The following USP3 variants were observed in gnomAD, a reference collection of about 807,000 sequenced individuals.
USP3 encodes ubiquitin carboxyl-terminal hydrolase 3.
In USP3, 20 loss-of-function variants were observed where a neutral mutation model predicts 72.3. That is an observed-to-expected ratio of 0.28 (90% CI 0.19 to 0.40). The LOEUF is 0.40. USP3 is among the 10% of genes least tolerant of loss of function. The probability of loss-of-function intolerance (pLI) is 1.00; values close to 1 mark genes in which losing one functional copy is unlikely to be tolerated. For missense variants in USP3, 479 were observed against 633.9 expected (o/e 0.76, Z 2.62); for synonymous variants, 222 against 225.3 (o/e 0.99, Z 0.13).
Position 63,588,731 on chromosome 15 carries a change from T to C in USP3, c.1245T>C (p.His415=), listed in dbSNP as rs191796709. Residue 415 remains histidine (H), a synonymous_variant, in exon 13 of 15, where the codon CAT becomes CAC. Transcript: ENST00000380324. The surrounding 1 kb of genome is among the most constrained non-coding windows in gnomAD (Gnocchi z 4.6). Reference sequence around the variant, plus strand: ...TATGCTTACATTTGAAAAGATTTCATTGGACAGCATATTTAAGAAATAAAG... The same window carrying C: ...TATGCTTACATTTGAAAAGATTTCACTGGACAGCATATTTAAGAAATAAAG... ...KVLCLHLKRF[H]WTAYLRNKVD... 7.6e-5 allele frequency: 122 copies of C among 1,614,090 alleles called. No homozygotes were observed. In the Middle Eastern group the frequency reaches 8.3e-4, roughly 11 times the overall value.
intron 1 of USP3, among the ~76,000 whole-genome samples, chr15:63,505,056 G>T (rs2065691128): frequency 6.6e-6 from 1 of 150,908 alleles, no homozygotes; most frequent in Non-Finnish European, 1.5e-5. Context: ...GGAGAGGGCC[G>T]CGAGGGGCGG....
At chr15:63,558,403 A>G (rs568533233) in intron 6 of USP3, among the ~76,000 whole-genome samples, 1 of 152,282 alleles carries the variant, frequency 6.6e-6, no homozygotes, top group East Asian at 1.9e-4. Context: ...TGTCTAAAGT[A>G]CTTAGAGCAG....
chr15:63,526,582 G>A (rs553306893), intron 1 of USP3, among the ~76,000 whole-genome samples: 2 of 152,032 alleles, frequency 1.3e-5, no homozygotes, highest in African/African-American at 2.4e-5. Context: ...TTGTGTAGGC[G>A]GGTGGTTCTT....
At chr15:63,554,432 G>A (rs889842684) in intron 4 of USP3, among the ~76,000 whole-genome samples, 1 of 152,180 alleles carries the variant, frequency 6.6e-6, no homozygotes, top group Non-Finnish European at 1.5e-5. Context: ...ACCCGAAATT[G>A]AAGCAATAAA....
chr15:63,552,964 C>A (rs1218614408), intron 3 of USP3, among the ~76,000 whole-genome samples: 2 of 152,068 alleles, frequency 1.3e-5, no homozygotes, highest in African/African-American at 4.8e-5. Flanking sequence ...TTGGCCTTAT[C>A]CCAGGAAAAA....
intron 3 of USP3, among the ~76,000 whole-genome samples, chr15:63,551,660 A>C (rs887575926): frequency 2.0e-5 from 3 of 152,246 alleles, no homozygotes; most frequent in Non-Finnish European, 4.4e-5. Context: ...ATTTAATAAT[A>C]AAAGCAAAAG....
chr15:63,590,472 C>T (rs2067174826), intron 14 of USP3, among the ~76,000 whole-genome samples, 189 bp from the exon 15 acceptor site: 2 of 151,486 alleles, frequency 1.3e-5, no homozygotes, highest in South Asian at 2.1e-4. Flanking sequence ...GGGCCATCTG[C>T]TTTGTGTTCT....
intron 3 of USP3, among the ~76,000 whole-genome samples, chr15:63,545,491 C>G (rs1295355957): frequency 2.0e-5 from 3 of 152,040 alleles, no homozygotes; most frequent in Non-Finnish European, 4.4e-5. Flanking sequence ...AGTAAAGACA[C>G]CAATATTCTT....
chr15:63,571,499 A>T (rs1333840641), intron 9 of USP3, among the ~76,000 whole-genome samples: 1 of 152,224 alleles, frequency 6.6e-6, no homozygotes, highest in South Asian at 2.1e-4. Flanking sequence ...TCCAATTAGA[A>T]TCCAATATAG....
At chr15:63,555,670 T>C (rs550874450) in intron 4 of USP3, among the ~76,000 whole-genome samples, 1 of 152,300 alleles carries the variant, frequency 6.6e-6, no homozygotes, top group South Asian at 2.1e-4. Context: ...ACTATGCTTG[T>C]GGTTTACCTT....
intron 11 of USP3, among the ~76,000 whole-genome samples, chr15:63,580,724 A>T (rs1410022739): frequency 2.0e-5 from 3 of 146,654 alleles, no homozygotes; most frequent in Admixed American, 6.8e-5. Context: ...ATAAATATAT[A>T]TTTTTTCTTT....
chr15:63,565,753 C>G lies in USP3; in HGVS notation c.761+2745C>G, dbSNP rs115647646. ...TCCTCAGACCATTTTACAGTTGTATCATAATTTGTGTCCAAGTCCCCTCCC... is the reference window on the plus strand; with the variant it reads ...TCCTCAGACCATTTTACAGTTGTATGATAATTTGTGTCCAAGTCCCCTCCC... On this transcript the variant is annotated intron_variant, in intron 8 of 14. Transcript: ENST00000380324. 1.2e-3 allele frequency among the ~76,000 whole-genome samples: 189 copies of G among 152,228 alleles called. 1 individual carries two copies. The highest frequency in any genetic ancestry group is 4.3e-3 in the African/African-American group (180 of 41,544).
chr15:63,558,308 C>G, intron 6 of USP3, 120 bp downstream of exon 6: 9 of 1,116,292 alleles, frequency 8.1e-6, no homozygotes, highest in Non-Finnish European at 1.2e-5. Context: ...ACCTTAATTT[C>G]CTGTGCTTTT....
rs929540413 is a variant in USP3 at position 63,591,854 on chromosome 15, T to C, written c.*1028T>C. ...GGTTTTAACACCTCTCTCTGGCCTA[T>C]CCTGATTGATAGGACAAGTTGAAAA... On this transcript the variant is annotated 3_prime_UTR_variant, in exon 15 of 15. Coordinates refer to ENST00000380324, the MANE Select transcript of USP3 (RefSeq NM_006537.4). 3.3e-5 allele frequency: 5 copies of C among 149,968 alleles called. No individual in the cohort carries two copies. The highest frequency in any genetic ancestry group is 4.9e-5 in the African/African-American group (2 of 41,082). The allele number at this position is 149,968 out of a possible 1,614,324, so 9.3% of individuals were successfully genotyped here. A position where few individuals can be genotyped will look rare whatever the true frequency, so the allele number is the denominator to read the frequency against.
At chr15:63,575,326 A>T (rs544830752) in intron 11 of USP3, among the ~76,000 whole-genome samples, 21 of 152,286 alleles carry the variant, frequency 1.4e-4, no homozygotes, top group African/African-American at 4.8e-4. Context: ...GGGCTCCTGC[A>T]TTAGACAGCA....
chr15:63,567,517 T>A, intron 8 of USP3, among the ~76,000 whole-genome samples: 1 of 151,918 alleles, frequency 6.6e-6, no homozygotes, highest in East Asian at 1.9e-4. Flanking sequence ...CGGCTAATTT[T>A]TTGTATTTTT....
chr15:63,534,938 T>A (rs1461152364), intron 2 of USP3, among the ~76,000 whole-genome samples: 1 of 142,156 alleles, frequency 7.0e-6, no homozygotes, highest in Non-Finnish European at 1.6e-5. Flanking sequence ...ATTTATTTAT[T>A]TATTTACTTA....
At chr15:63,509,102 A>G (rs1471806636) in intron 1 of USP3, among the ~76,000 whole-genome samples, 1 of 152,178 alleles carries the variant, frequency 6.6e-6, no homozygotes, top group African/African-American at 2.4e-5. Flanking sequence ...GAAGAAATCA[A>G]CCTTGATGGA....
intron 11 of USP3, among the ~76,000 whole-genome samples, chr15:63,577,897 T>C (rs1372957399): frequency 6.7e-6 from 1 of 148,348 alleles, no homozygotes; most frequent in Admixed American, 6.8e-5. Flanking sequence ...TCCTGTACTC[T>C]AGGCCTGGGT....
Sources: allele counts gnomAD v4.1 joint callset (sites outside exome capture counted in the v4.1 genomes callset), GRCh38; gene constraint gnomAD v4.1.1; non-coding constraint Gnocchi (gnomAD v3.1); transcripts MANE v1.5; gene names NCBI Gene and HGNC (gene_info 2026-07-23, HGNC 2026-07-21).